EBF2: variants seen among roughly 807,000 people sequenced by gnomAD.
EBF2 encodes the protein transcription factor COE2.
In EBF2, 21 loss-of-function variants were observed where a neutral mutation model predicts 72.8. That is an observed-to-expected ratio of 0.29 (90% CI 0.20 to 0.42). The LOEUF (loss-of-function observed/expected upper bound fraction) is 0.42, where lower values mean the gene tolerates loss of function less well. Among genes scored for constraint, EBF2 ranks in the 10% least tolerant of loss-of-function variants. EBF2 has a pLI of 1.00. For missense variants in EBF2, 637 were observed against 731.2 expected (o/e 0.87, Z 1.49); for synonymous variants, 299 against 274.2 (o/e 1.09, Z -0.89).
intron 6 of EBF2, among the ~76,000 whole-genome samples, chr8:26,000,337 C>T (rs1406784202): frequency 1.3e-5 from 2 of 152,126 alleles, no homozygotes; most frequent in African/African-American, 4.8e-5. Flanking sequence ...CTTTATGAAG[C>T]TCAAACATAT....
At chr8:25,857,229 G>C (rs375674594) in intron 14 of EBF2, among the ~76,000 whole-genome samples, 11 of 151,926 alleles carry the variant, frequency 7.2e-5, no homozygotes, top group African/African-American at 2.7e-4. Flanking sequence ...ACTACCCTTC[G>C]CTGCTTGGTG....
intron 6 of EBF2, among the ~76,000 whole-genome samples, chr8:26,010,063 C>T (rs139404128): frequency 5.6e-4 from 85 of 152,220 alleles, no homozygotes; most frequent in African/African-American, 2.0e-3. Context: ...TGGAGATAGG[C>T]CACACATCAG....
chr8:25,848,764 G>A lies in EBF2; in HGVS notation c.1696+1830C>T, dbSNP rs189560365. 3.0e-3 allele frequency among the ~76,000 whole-genome samples: 452 copies of A among 152,248 alleles called. 2 individuals carry two copies. The highest frequency in any genetic ancestry group is 0.01 in the Middle Eastern group (3 of 294). On this transcript the variant is annotated intron_variant, in intron 15 of 15. Transcript: ENST00000520164. ...GCTGCATCCATCCTGTCTGCCTCCC[G>A]TCCAATGCAGAGGAAAGCCTGCACC...
chr8:26,006,294 G>T lies in EBF2; in HGVS notation c.551+26791C>A, dbSNP rs562314804. On this transcript the variant is annotated intron_variant, in intron 6 of 15. Coordinates refer to ENST00000520164, the MANE Select transcript of EBF2 (RefSeq NM_022659.4). ...CACATATGTAGGCACATTTTACAGAGTAGTATCTACAACAGAGATCAACAT... is the reference window on the plus strand; with the variant it reads ...CACATATGTAGGCACATTTTACAGATTAGTATCTACAACAGAGATCAACAT... Among the ~76,000 whole-genome samples, 3 of 152,258 alleles carry T rather than the reference G, an allele frequency of 2.0e-5. No homozygotes were observed. The South Asian group carries it at 6.2e-4, about 32-fold the overall frequency.
intron 6 of EBF2, among the ~76,000 whole-genome samples, chr8:25,947,368 G>A (rs539970727): frequency 4.7e-4 from 71 of 152,276 alleles, no homozygotes; most frequent in Non-Finnish European, 7.6e-4. Context: ...CTCCCTAGCC[G>A]TGTGTAACGG....
chr8:25,948,057 G>A (rs1462659136), intron 6 of EBF2, among the ~76,000 whole-genome samples: 1 of 152,166 alleles, frequency 6.6e-6, no homozygotes, highest in Non-Finnish European at 1.5e-5. Flanking sequence ...CCTCCAAAAG[G>A]CTTAGGTGGC....
chr8:25,941,885 A>T (rs1182762928), intron 6 of EBF2, among the ~76,000 whole-genome samples: 6 of 152,256 alleles, frequency 3.9e-5, no homozygotes, highest in African/African-American at 1.4e-4. Context: ...AACCATTCCC[A>T]TTCCTAAGAT....
At position 25,862,866 on chromosome 8, in the gene EBF2, CCA is replaced by C. The variant is rs370892803; in HGVS notation, c.1010-71_1010-70del. The C allele has an allele frequency of 1.3e-5, 15 of 1,190,550 alleles. No individual in the cohort carries two copies. The African/African-American group carries it at 2.1e-4, about 17-fold the overall frequency. The allele number at this position is 1,190,550 out of a possible 1,614,324, so 73.7% of individuals were successfully genotyped here. On this transcript the variant is annotated intron_variant, in intron 10 of 15. Transcript: ENST00000520164. ...AAAGCAAACCTTCTAATTAATTCTT[CCA>C]CAGGTAATAAGAAGGTTCTGGATGC...
intron 10 of EBF2, among the ~76,000 whole-genome samples, chr8:25,867,670 C>T (rs1377334171): frequency 2.0e-5 from 3 of 152,174 alleles, no homozygotes; most frequent in South Asian, 2.1e-4. Flanking sequence ...ACATGCTAAT[C>T]GTCATAAATC....
At chr8:26,042,915 C>T (rs1805629527) in intron 1 of EBF2, among the ~76,000 whole-genome samples, 3 of 152,190 alleles carry the variant, frequency 2.0e-5, no homozygotes, top group African/African-American at 4.8e-5. Flanking sequence ...GGGCGGAATC[C>T]TCGCGACCAG....
intron 8 of EBF2, among the ~76,000 whole-genome samples, chr8:25,888,922 T>C (rs1802733570): frequency 6.6e-6 from 1 of 152,180 alleles, no homozygotes; most frequent in Non-Finnish European, 1.5e-5. Flanking sequence ...GGGATTTTCT[T>C]CTCCCCTTTC....
chr8:26,042,016 A>G (rs1189982338), intron 2 of EBF2, 79 bp downstream of exon 2: 6 of 1,547,880 alleles, frequency 3.9e-6, no homozygotes, highest in Non-Finnish European at 5.3e-6. Flanking sequence ...AAGTGTCGCG[A>G]GAGTGACAGA....
chr8:26,039,374 T>C (rs955153801), intron 5 of EBF2, among the ~76,000 whole-genome samples: 8 of 152,150 alleles, frequency 5.3e-5, no homozygotes, highest in African/African-American at 1.9e-4. Context: ...AATCCAGCTG[T>C]TGCTCCACAC....
At chr8:25,962,722 C>T (rs1453287221) in intron 6 of EBF2, among the ~76,000 whole-genome samples, 1 of 152,106 alleles carries the variant, frequency 6.6e-6, no homozygotes, top group Non-Finnish European at 1.5e-5. Context: ...ATCTACAGGA[C>T]CCAAGTTAAA....
At chr8:25,968,987 AT>A (rs1158559856) in intron 6 of EBF2, among the ~76,000 whole-genome samples, 1 of 152,168 alleles carries the variant, frequency 6.6e-6, no homozygotes, top group Non-Finnish European at 1.5e-5. Flanking sequence ...ACCACAAATA[AT>A]TTTTTTAAAA....
rs567268273 is a variant in EBF2, at chr8:26,016,469, G to A, written c.551+16616C>T. On this transcript the variant is annotated intron_variant, in intron 6 of 15. Transcript: ENST00000520164. ...TTAACCAACTTGGCCTCTACTTAGTGGGCCAAAGAAAATAATACAATGGTT... is the reference window on the plus strand; with the variant it reads ...TTAACCAACTTGGCCTCTACTTAGTAGGCCAAAGAAAATAATACAATGGTT... Among the ~76,000 whole-genome samples the A allele has an allele frequency of 1.4e-4, 21 of 152,222 alleles. 2 individuals carry two copies. The South Asian group carries it at 3.1e-3, about 23-fold the overall frequency.
At chr8:25,852,279 C>G (rs1285007324) in intron 14 of EBF2, among the ~76,000 whole-genome samples, 1 of 152,158 alleles carries the variant, frequency 6.6e-6, no homozygotes, top group Non-Finnish European at 1.5e-5. Context: ...AAAATCTCTT[C>G]TAGCCTTGGG....
intron 6 of EBF2, among the ~76,000 whole-genome samples, chr8:25,912,678 G>A (rs1803148634): frequency 6.6e-6 from 1 of 152,078 alleles, no homozygotes; most frequent in Non-Finnish European, 1.5e-5. Flanking sequence ...TATGTATTGT[G>A]CTCTGTGTGC....
chr8:25,892,818 C>T lies in EBF2; in HGVS notation c.634-2949G>A, dbSNP rs193097317. Among the ~76,000 whole-genome samples, 12 of 152,218 alleles carry T rather than the reference C, an allele frequency of 7.9e-5. No homozygotes were observed. In the East Asian group the frequency reaches 2.1e-3, roughly 27 times the overall value. On this transcript the variant is annotated intron_variant, in intron 7 of 15. Coordinates refer to ENST00000520164, the MANE Select transcript of EBF2 (RefSeq NM_022659.4). ...GATTCAAAGAATAAACTTAAAGGAA[C>T]CTCAGTTGTCATTCAGAAAATTATC...
Sources: allele counts gnomAD v4.1 joint callset (sites outside exome capture counted in the v4.1 genomes callset), GRCh38; gene constraint gnomAD v4.1.1; transcripts MANE v1.5; gene names NCBI Gene and HGNC (gene_info 2026-07-23, HGNC 2026-07-21).